GJC1: variants seen among roughly 807,000 people sequenced by gnomAD.
The protein encoded by GJC1 is gap junction protein gamma 1.
A neutral mutation model predicts 29.3 loss-of-function variants in GJC1; 5 were observed. The observed-to-expected ratio is 0.17, with a 90% confidence interval of 0.09 to 0.36. GJC1 has a LOEUF of 0.36. GJC1 is among the 10% of genes least tolerant of loss of function. The pLI, the probability that GJC1 is intolerant of heterozygous loss-of-function variation, is 1.00. For synonymous variants in GJC1, 177 were observed against 183.3 expected, an observed-to-expected ratio of 0.97 and a Z score of 0.28; for missense variants, 310 against 496.2, an observed-to-expected ratio of 0.62 and a Z score of 3.56.
chr17:44,817,513 C>T (rs2050057078), intron 1 of GJC1, among the ~76,000 whole-genome samples: 1 of 151,544 alleles, frequency 6.6e-6, no homozygotes, highest in Admixed American at 6.6e-5. Flanking sequence ...GAGTTCGAGA[C>T]CAGCCTGACC....
chr17:44,803,492 C>T lies in GJC1; in HGVS notation c.*1135G>A, dbSNP rs1351347472. On this transcript the variant is annotated 3_prime_UTR_variant, in exon 3 of 3. Transcript: ENST00000592524. ...ACCCCATGACCTTTCAGGCATAAAC[C>T]TCCACTGGCAGAAGTAAGAATTTAA... The T allele has an allele frequency of 6.6e-6, 1 of 152,168 alleles. No homozygotes were observed. The highest frequency in any genetic ancestry group is 1.5e-5 in the Non-Finnish European group (1 of 68,020). The allele number at this position is 152,168 out of a possible 1,614,324, so 9.4% of individuals were successfully genotyped here.
At chr17:44,828,667 G>A (rs1471256355) in intron 1 of GJC1, among the ~76,000 whole-genome samples, 1 of 152,154 alleles carries the variant, frequency 6.6e-6, no homozygotes, top group African/African-American at 2.4e-5. Flanking sequence ...GACATTCAAA[G>A]CAACTGCAGT....
chr17:44,811,617 G>A (rs1411961913), intron 1 of GJC1, among the ~76,000 whole-genome samples: 1 of 151,986 alleles, frequency 6.6e-6, no homozygotes, highest in Admixed American at 6.6e-5. Context: ...GAACTCCTGG[G>A]CTCAAGTGAT....
intron 1 of GJC1, among the ~76,000 whole-genome samples, chr17:44,819,410 G>C (rs927349382): frequency 2.0e-5 from 3 of 152,228 alleles, no homozygotes; most frequent in Admixed American, 6.5e-5. Context: ...TGTAATCCCA[G>C]CACTTTGGGA....
chr17:44,825,188 CAA>C (rs1162077867), intron 1 of GJC1, among the ~76,000 whole-genome samples: 68 of 45,984 alleles, frequency 1.5e-3, no homozygotes, highest in African/African-American at 5.5e-3. Context: ...GTCTCAATTA[CAA>C]AAAAAAAAAA....
At chr17:44,830,438 C>T (rs992215227), upstream of GJC1, among the ~76,000 whole-genome samples, 16 of 152,208 alleles carry the variant, frequency 1.1e-4, no homozygotes, top group African/African-American at 3.4e-4. The surrounding 1 kb of genome is among the most constrained non-coding windows in gnomAD (Gnocchi z 4.3). Flanking sequence ...GTCGAGTCCT[C>T]GCCGCTCTCT....
At chr17:44,825,771 T>G (rs2050167653) in intron 1 of GJC1, among the ~76,000 whole-genome samples, 1 of 130,808 alleles carries the variant, frequency 7.6e-6, no homozygotes. Flanking sequence ...TGAGACTCAG[T>G]CTCAAAAGAA....
At chr17:44,809,606 T>G (rs1325510301) in intron 1 of GJC1, among the ~76,000 whole-genome samples, 2 of 151,926 alleles carry the variant, frequency 1.3e-5, no homozygotes, top group African/African-American at 2.4e-5. Context: ...GTTTCACTCT[T>G]GTTGTCCAGG....
At chr17:44,821,697 CAAAAAAAAAAAAA>C (rs61303163) in intron 1 of GJC1, among the ~76,000 whole-genome samples, 5 of 58,358 alleles carry the variant, frequency 8.6e-5, no homozygotes, top group Non-Finnish European at 1.2e-4. Context: ...AACTCCGTCT[CAAAAAAAAAAAAA>C]AAAAAAAAAA....
Position 44,805,453 on chromosome 17 carries a change from T to C in GJC1, c.365A>G (p.Lys122Arg). 6.2e-7 allele frequency: 1 copy of C among 1,614,172 alleles called. No individual in the cohort carries two copies. Among genetic ancestry groups the C allele is most frequent in the Non-Finnish European group, 8.5e-7 (1 of 1,180,016 alleles). ...CGTTTCTTCCAGAGCCCGGTGTTGT[T>C]TCCAGCGCATTGCATAGGGCTTGCT... is the stretch of plus-strand genomic sequence containing the variant. ...ARSKPYAMRW[K>R]QHRALEETEE... The change falls in exon 3 of 3, where the codon AAA becomes AGA. Residue 122 changes from lysine to arginine, a missense_variant. By Grantham distance (26) the Lys-to-Arg change is conservative. Coordinates refer to ENST00000592524, the MANE Select transcript of GJC1 (RefSeq NM_005497.4). The surrounding 1 kb of genome is among the most constrained non-coding windows in gnomAD (Gnocchi z 5.1).
rs141088837 is a variant in GJC1 at position 44,824,966 on chromosome 17, A to G, written c.-97+5096T>C. On this transcript the variant is annotated intron_variant, in intron 1 of 2. Transcript: ENST00000592524. ...CCAGGTGCCTTGGCCTGTAATCCCC[A>G]TATTTGAGAGGCCAAGAGGACTGCT... is the stretch of plus-strand genomic sequence containing the variant. 3.5e-3 allele frequency among the ~76,000 whole-genome samples: 528 copies of G among 150,228 alleles called. 1 individual carries two copies. The highest frequency in any genetic ancestry group is 0.013 in the African/African-American group (514 of 40,946).
At chr17:44,813,089 T>C (rs1461518817) in intron 1 of GJC1, 1 of 151,566 alleles carries the variant, frequency 6.6e-6, no homozygotes, top group East Asian at 1.9e-4. Context: ...TTTTTTTCTT[T>C]GAGACAAGAG....
chr17:44,822,006 G>T (rs547995246), intron 1 of GJC1, among the ~76,000 whole-genome samples: 2 of 151,174 alleles, frequency 1.3e-5, no homozygotes, highest in Non-Finnish European at 2.9e-5. Flanking sequence ...GACCATCCTG[G>T]CTAACACTGT....
At position 44,805,971 on chromosome 17, in the gene GJC1, T is replaced by C; in HGVS notation, c.-20-134A>G. 1 of 590,052 alleles carries C rather than the reference T, an allele frequency of 1.7e-6. No homozygotes were observed. Among genetic ancestry groups the C allele is most frequent in the South Asian group, 2.3e-5 (1 of 43,486 alleles). The allele number at this position is 590,052 out of a possible 1,614,324, so 36.6% of individuals were successfully genotyped here. A position where few individuals can be genotyped will look rare whatever the true frequency, so the allele number is the denominator to read the frequency against. On this transcript the variant is annotated intron_variant, in intron 2 of 2. Transcript: ENST00000592524. This position sits in a 1 kb window ranked among gnomAD's most constrained non-coding sequence, Gnocchi z 5.1. ...ACCTCAAGGTTCACAGTGGAACAAA[T>C]GTTAGAATAAACAGCATCTCAGTTG...
intron 1 of GJC1, among the ~76,000 whole-genome samples, chr17:44,814,084 G>T (rs954567617): frequency 6.6e-6 from 1 of 152,098 alleles, no homozygotes; most frequent in Non-Finnish European, 1.5e-5. Flanking sequence ...TGCCAATTGT[G>T]GTCTCACTGT....
At position 44,821,697 on chromosome 17, in the gene GJC1, C is replaced by CAAAA. The variant is rs61303163; in HGVS notation, c.-97+8361_-97+8364dup. On this transcript the variant is annotated intron_variant, in intron 1 of 2. Coordinates refer to ENST00000592524, the MANE Select transcript of GJC1 (RefSeq NM_005497.4). ...GGGCAACAAGAGGGAAACTCCGTCT[C>CAAAA]AAAAAAAAAAAAAAAAAAAAAAAAA... Among the ~76,000 whole-genome samples, 61 of 58,362 alleles carry CAAAA rather than the reference C, an allele frequency of 1.0e-3. 1 individual carries two copies. Among genetic ancestry groups the CAAAA allele is most frequent in the African/African-American group, 3.1e-3 (40 of 12,866 alleles). 38.3% of individuals were successfully genotyped at this position (58,362 alleles called of 152,430 possible).
chr17:44,808,861 A>T (rs1172021911), intron 1 of GJC1, among the ~76,000 whole-genome samples: 1 of 152,074 alleles, frequency 6.6e-6, no homozygotes, highest in African/African-American at 2.4e-5. Context: ...GTGGATCACC[A>T]GCAGTCGGGA....
rs2049893356 is a variant in GJC1 at position 44,804,871 on chromosome 17, G to A, written c.947C>T (p.Ala316Val). 6.2e-7 allele frequency: 1 copy of A among 1,614,160 alleles called. No homozygotes were observed. The highest frequency in any genetic ancestry group is 8.5e-7 in the Non-Finnish European group (1 of 1,180,010). The stretch of plus-strand genomic sequence containing the variant: ...ATACTGCTGTTCCTGGGCTGTGTTG[G>A]CCTTGTTTTGCTTGTAGGCGATCTT... ...NAKIAYKQNK[A>V]NTAQEQQYGS... Residue 316 changes from alanine to valine, a missense_variant, in exon 3 of 3, where the codon GCC becomes GTC. Ala to Val is a moderately conservative substitution (Grantham distance 64). Around this residue, in one of 4 missense-constraint regions of GJC1, gnomAD observed 146 missense variants for 165.0 expected, o/e 0.88. Coordinates refer to ENST00000592524, the MANE Select transcript of GJC1 (RefSeq NM_005497.4).
At chr17:44,813,418 T>C (rs1191052360) in intron 1 of GJC1, 1 of 151,620 alleles carries the variant, frequency 6.6e-6, no homozygotes, top group Admixed American at 6.6e-5. Context: ...GTATCACCAA[T>C]GTTTTTACCT....
Sources: allele counts gnomAD v4.1 joint callset (sites outside exome capture counted in the v4.1 genomes callset), GRCh38; gene constraint gnomAD v4.1.1; regional missense constraint gnomAD v4.1.1; non-coding constraint Gnocchi (gnomAD v3.1); transcripts MANE v1.5; gene names NCBI Gene and HGNC (gene_info 2026-07-23, HGNC 2026-07-21).